PRELID2: variants seen among roughly 807,000 people sequenced by gnomAD.
PRELID2 encodes the protein PRELI domain-containing protein 2.
A neutral mutation model predicts 28.4 loss-of-function variants in PRELID2; 25 were observed. The observed-to-expected ratio is 0.88, with a 90% CI of 0.64 to 1.23. The LOEUF (loss-of-function observed/expected upper bound fraction) is 1.23. Among genes scored for constraint, PRELID2 ranks in the 50% most tolerant of loss-of-function variants. The pLI, the probability that PRELID2 is intolerant of heterozygous loss-of-function variation, is 0.00. For synonymous variants in PRELID2, 76 were observed against 71.6 expected (o/e 1.06, Z -0.31); for missense variants, 201 against 214.4 (o/e 0.94, Z 0.39).
chr5:145,512,005 A>T (rs1752465264), intron 1 of PRELID2, among the ~76,000 whole-genome samples: 1 of 152,206 alleles, frequency 6.6e-6, no homozygotes, highest in Admixed American at 6.5e-5. Context: ...ATCATAAGGC[A>T]AATCTTGTAG....
chr5:145,253,848 A>C, the PRELID2 span, among the ~76,000 whole-genome samples: 1 of 146,968 alleles, frequency 6.8e-6, no homozygotes, highest in Non-Finnish European at 1.5e-5. Flanking sequence ...CAAAAAAAAC[A>C]AAAAAAAAAT....
At chr5:145,282,039 A>C in the PRELID2 span, among the ~76,000 whole-genome samples, 3 of 152,192 alleles carry the variant, frequency 2.0e-5, no homozygotes, top group Non-Finnish European at 4.4e-5. Context: ...TGTTATCCTC[A>C]GGAATAAGAA....
chr5:145,559,849 A>AAGAAGAAG, intron 1 of PRELID2, among the ~76,000 whole-genome samples: 1 of 148,754 alleles, frequency 6.7e-6, no homozygotes, highest in South Asian at 2.1e-4. Flanking sequence ...AAAAAAAAAA[A>AAGAAGAAG]AAGAAGAAGA....
the PRELID2 span, among the ~76,000 whole-genome samples, chr5:145,243,808 T>C: frequency 2.6e-5 from 4 of 152,136 alleles, no homozygotes; most frequent in African/African-American, 4.8e-5. Flanking sequence ...AGCATTATTA[T>C]TTTATAAATG....
At chr5:145,365,172 T>C in the PRELID2 span, among the ~76,000 whole-genome samples, 2 of 151,910 alleles carry the variant, frequency 1.3e-5, no homozygotes, top group Non-Finnish European at 2.9e-5. Flanking sequence ...CAGTTAGAAA[T>C]GAAAAATAAG....
In PRELID2 at chr5:145,562,990, G is replaced by A. The variant is rs192685296; in HGVS notation, n.71-89675C>T. Among the ~76,000 whole-genome samples the A allele has an allele frequency of 5.5e-3, 842 of 152,212 alleles. 20 individuals are homozygous for A. Among genetic ancestry groups the A allele is most frequent in the Admixed American group, 4.3e-3 (66 of 15,290 alleles). On this transcript the variant is annotated intron_variant and non_coding_transcript_variant, in intron 1 of 2. Coordinates refer to the PRELID2 transcript ENST00000510259. ...AAAAGAGCATTCATGGATATTTCCC[G>A]TTTGCCTATTCAGAATCCATTTCCT... is the stretch of plus-strand genomic sequence containing the variant.
At chr5:145,427,302 T>A in the PRELID2 span, among the ~76,000 whole-genome samples, 1 of 152,232 alleles carries the variant, frequency 6.6e-6, no homozygotes, top group Non-Finnish European at 1.5e-5. Context: ...GCTATGAATT[T>A]TAACCCTCTA....
the PRELID2 span, among the ~76,000 whole-genome samples, chr5:145,388,568 G>C: frequency 6.6e-6 from 1 of 152,142 alleles, no homozygotes; most frequent in Non-Finnish European, 1.5e-5. Flanking sequence ...AGACCTTGAA[G>C]TGTGCACCAT....
the PRELID2 span, among the ~76,000 whole-genome samples, chr5:145,298,674 T>A: frequency 6.6e-6 from 1 of 152,046 alleles, no homozygotes; most frequent in East Asian, 1.9e-4. Flanking sequence ...CCGGTACGTG[T>A]CAAGACAAAT....
chr5:145,272,083 T>A, the PRELID2 span, among the ~76,000 whole-genome samples: 1 of 126,888 alleles, frequency 7.9e-6, no homozygotes, highest in African/African-American at 3.5e-5. Flanking sequence ...GATGGCAACA[T>A]ATTTTTTTTT....
At chr5:145,276,650 T>C in the PRELID2 span, among the ~76,000 whole-genome samples, 1 of 152,164 alleles carries the variant, frequency 6.6e-6, no homozygotes, top group Non-Finnish European at 1.5e-5. Flanking sequence ...TAAAGAATTA[T>C]GTGACTCATC....
At chr5:145,763,352 A>G (rs1229817455) in intron 6 of PRELID2, among the ~76,000 whole-genome samples, 2 of 152,220 alleles carry the variant, frequency 1.3e-5, no homozygotes, top group Non-Finnish European at 2.9e-5. Context: ...AGTAAACCAT[A>G]TTTAGATTCA....
chr5:145,431,207 C>A, the PRELID2 span, among the ~76,000 whole-genome samples: 1 of 151,740 alleles, frequency 6.6e-6, no homozygotes, highest in African/African-American at 2.4e-5. Context: ...TATCCACTCC[C>A]AATCACTAGT....
Position 145,677,110 on chromosome 5 carries a change from G to A in PRELID2, n.70+87821C>T, listed in dbSNP as rs540606228. Among the ~76,000 whole-genome samples, 27 of 146,980 alleles carry A rather than the reference G, an allele frequency of 1.8e-4. No homozygotes were observed. The East Asian group carries it at 3.6e-3, about 20-fold the overall frequency. ...TATTAATTATTTTAGTATAATGATT[G>A]TATTGAGATTATGTTTTTTATGTTT... is the stretch of plus-strand genomic sequence containing the variant. On this transcript the variant is annotated intron_variant and non_coding_transcript_variant, in intron 1 of 2. Transcript: ENST00000510259.
chr5:145,798,873 G>C (rs1177797898), intron 4 of PRELID2, among the ~76,000 whole-genome samples: 1 of 152,128 alleles, frequency 6.6e-6, no homozygotes, highest in Admixed American at 6.5e-5. Flanking sequence ...GGGCCTGTCA[G>C]TGGGTGGGGG....
the PRELID2 span, among the ~76,000 whole-genome samples, chr5:145,358,200 T>C: frequency 6.6e-6 from 1 of 152,096 alleles, no homozygotes; most frequent in Non-Finnish European, 1.5e-5. Context: ...CCTACAGGGT[T>C]CAGGCAGAGG....
At chr5:145,562,205 C>T (rs9285663) in intron 1 of PRELID2, among the ~76,000 whole-genome samples, 4 of 151,980 alleles carry the variant, frequency 2.6e-5, no homozygotes, top group Admixed American at 6.6e-5. Context: ...AAATACTTCA[C>T]GTAAAAGCAA....
chr5:145,338,907 T>C, the PRELID2 span, among the ~76,000 whole-genome samples: 1 of 152,242 alleles, frequency 6.6e-6, no homozygotes, highest in Non-Finnish European at 1.5e-5. Context: ...ATGTAAATAA[T>C]CAACTAAATC....
the PRELID2 span, among the ~76,000 whole-genome samples, chr5:145,321,894 A>G: frequency 6.6e-6 from 1 of 152,220 alleles, no homozygotes; most frequent in Non-Finnish European, 1.5e-5. Flanking sequence ...AGGTGGCCCA[A>G]TCCAATTTGG....
Sources: gnomAD v4.1 joint callset for allele counts (sites outside exome capture counted in the v4.1 genomes callset) on GRCh38, gnomAD v4.1.1 for gene constraint, MANE v1.5 for transcripts, NCBI Gene and HGNC (gene_info 2026-07-23, HGNC 2026-07-21) for gene names.